The following LSS variants were observed in gnomAD, a reference collection of about 807,000 sequenced individuals.
The protein encoded by LSS is 2,3-epoxysqualene-lanosterol cyclase.
In LSS, 90 loss-of-function variants were observed where a neutral mutation model predicts 110.3. The observed-to-expected ratio is 0.82, with a 90% CI of 0.69 to 0.97. The LOEUF (loss-of-function observed/expected upper bound fraction) is 0.97, where lower values mean the gene tolerates loss of function less well. LSS is among the 50% of genes least tolerant of loss of function. LSS has a pLI of 0.00. For synonymous variants in LSS, 433 were observed against 400.0 expected (o/e 1.08, Z -0.98); for missense variants, 927 against 990.0 (o/e 0.94, Z 0.85).
chr21:46,227,820 C>A, intron 2 of LSS, 130 bp from the exon 3 acceptor site: 4 of 1,069,660 alleles, frequency 3.7e-6, no homozygotes, highest in Non-Finnish European at 5.4e-6. Context: ...CAGCTGTTTC[C>A]ATCAAAAGTC....
chr21:46,224,445 C>T (rs950860474), intron 3 of LSS, among the ~76,000 whole-genome samples: 2 of 152,108 alleles, frequency 1.3e-5, no homozygotes, highest in Admixed American at 6.5e-5. Flanking sequence ...ACTCTCTCAT[C>T]GCCGCACACA....
At position 46,213,608 on chromosome 21, in the gene LSS, G is replaced by A. The variant is rs868490441; in HGVS notation, c.1109+130C>T. ...AGTGGCTTCCACAAGCCCTGACACT[G>A]CTGGTTCCTGGAGGTATTCCCTGGC... On this transcript the variant is annotated intron_variant, in intron 10 of 21. Transcript: ENST00000397728. 1.1e-5 allele frequency: 8 copies of A among 717,536 alleles called. No homozygotes were observed. In the Middle Eastern group the frequency reaches 1.7e-3, roughly 155 times the overall value. The allele number at this position is 717,536 out of a possible 1,614,324, so 44.4% of individuals were successfully genotyped here. A position where few individuals can be genotyped will look rare whatever the true frequency, so the allele number is the denominator to read the frequency against.
intron 17 of LSS, among the ~76,000 whole-genome samples, chr21:46,202,286 T>C (rs531642672): frequency 0.041 from 5,765 of 140,312 alleles, 164 homozygotes; most frequent in Non-Finnish European, 0.062. Context: ...CCCAGCTACT[T>C]GGGAGGCTGA....
intron 17 of LSS, among the ~76,000 whole-genome samples, chr21:46,196,967 T>C (rs914142771): frequency 1.2e-4 from 18 of 152,340 alleles, no homozygotes; most frequent in African/African-American, 4.1e-4. Flanking sequence ...CAGAGGCAGA[T>C]CCTTCCTCAC....
intron 17 of LSS, among the ~76,000 whole-genome samples, chr21:46,198,444 T>G (rs2079937928): frequency 3.9e-5 from 6 of 152,036 alleles, no homozygotes; most frequent in Admixed American, 3.9e-4. Flanking sequence ...ATGAAAGAAA[T>G]AAAAGATCTT....
At chr21:46,228,300 T>G in intron 2 of LSS, 134 bp downstream of exon 2, 2 of 1,006,228 alleles carry the variant, frequency 2.0e-6, no homozygotes, top group Non-Finnish European at 2.8e-6. Context: ...CGAACGCAGT[T>G]CCCGTGGGCG....
intron 7 of LSS, 42 bp from the exon 8 acceptor site, chr21:46,215,835 T>G (rs760758243): frequency 1.5e-6 from 2 of 1,364,156 alleles, no homozygotes; most frequent in East Asian, 4.7e-5. Flanking sequence ...TGGGAGCACC[T>G]GGTAGGCCTG....
chr21:46,195,886 C>A, intron 18 of LSS, 130 bp from the exon 19 acceptor site: 1 of 727,010 alleles, frequency 1.4e-6, no homozygotes, highest in Non-Finnish European at 2.4e-6. Context: ...GGCATTAAGG[C>A]CGTGGAAGAC....
rs894494842 is a variant in LSS, at chr21:46,228,341, G to A, written c.180+93C>T. On this transcript the variant is annotated intron_variant, in intron 2 of 21. Coordinates refer to ENST00000397728, the MANE Select transcript of LSS (RefSeq NM_002340.6). Reference sequence around the variant, plus strand: ...CTTGGGGATGGGCGTCGCTGGCCGGGTCCTCCCACCCGCCTTTCTGAGAGA... The same window carrying A: ...CTTGGGGATGGGCGTCGCTGGCCGGATCCTCCCACCCGCCTTTCTGAGAGA... 1.9e-5 allele frequency: 27 copies of A among 1,428,504 alleles called. No homozygotes were observed. The African/African-American group carries it at 3.6e-4, about 19-fold the overall frequency. The allele number at this position is 1,428,504 out of a possible 1,614,324, so 88.5% of individuals were successfully genotyped here. A position where few individuals can be genotyped will look rare whatever the true frequency, so the allele number is the denominator to read the frequency against.
At chr21:46,199,067 T>C (rs532997848) in intron 17 of LSS, among the ~76,000 whole-genome samples, 121 of 152,172 alleles carry the variant, frequency 8.0e-4, no homozygotes, top group African/African-American at 2.9e-3. Context: ...GAAAACTGGC[T>C]CTGCAAAAGA....
At chr21:46,199,205 A>G (rs2079948182) in intron 17 of LSS, among the ~76,000 whole-genome samples, 1 of 152,262 alleles carries the variant, frequency 6.6e-6, no homozygotes, top group Non-Finnish European at 1.5e-5. Context: ...TAATTTAAAA[A>G]TGAGCCAAAG....
intron 17 of LSS, among the ~76,000 whole-genome samples, chr21:46,202,319 G>C (rs1376046927): frequency 7.0e-6 from 1 of 143,458 alleles, no homozygotes; most frequent in Non-Finnish European, 1.5e-5. Context: ...GCGTGAACCC[G>C]GGAGGCGGAG....
chr21:46,191,745 C>T (rs2079818717), intron 21 of LSS, 136 bp downstream of exon 21: 2 of 708,864 alleles, frequency 2.8e-6, no homozygotes, highest in Non-Finnish European at 4.9e-6. Flanking sequence ...CCAACTGTGG[C>T]ATTCACTGGC....
In LSS at chr21:46,215,342, G is replaced by GCCAGACA. The variant is rs1415357103; in HGVS notation, c.893-45_893-44insTGTCTGG. On this transcript the variant is annotated intron_variant, in intron 8 of 21. Transcript: ENST00000397728. ...AGTGGATGCCAGACACCATGACACT[G>GCCAGACA]GCCTCAGCCTGGAGCTCCATGCACT... 11 of 1,365,472 alleles carry GCCAGACA rather than the reference G, an allele frequency of 8.1e-6. No individual in the cohort carries two copies. The Admixed American group carries it at 1.1e-4, about 13-fold the overall frequency. The allele number at this position is 1,365,472 out of a possible 1,614,324, so 84.6% of individuals were successfully genotyped here.
In LSS at chr21:46,221,954, G is replaced by A. The variant is rs146853216; in HGVS notation, c.450C>T (p.Thr150=). 96 of 1,614,022 alleles carry A rather than the reference G, an allele frequency of 5.9e-5. No homozygotes were observed. The African/African-American group carries it at 7.2e-4, about 12-fold the overall frequency. The change falls in exon 5 of 22, where the codon ACC becomes ACT. Residue 150 remains threonine, a synonymous_variant. Coordinates refer to ENST00000397728, the MANE Select transcript of LSS (RefSeq NM_002340.6). ...CATAGTTGAGCGCAGTCCCAAACACGGTGGACTTATCCTCAATGTGCCTAC... is the reference window on the plus strand; with the variant it reads ...CATAGTTGAGCGCAGTCCCAAACACAGTGGACTTATCCTCAATGTGCCTAC... ...GWGLHIEDKS[T]VFGTALNYVS...
rs1487476965 is a variant in LSS at position 46,228,559 on chromosome 21, C to T, written c.55G>A (p.Ala19Thr). The change falls in exon 2 of 22, where the codon GCC becomes ACC. Residue 19 changes from alanine to threonine, a missense_variant. Transcript: ENST00000397728. ...AGTCGCCAGCGGCCGAGGTCGGTGGCGGGCTCGGTCTTGTAGGGGCCCCCT... is the reference window on the plus strand; with the variant it reads ...AGTCGCCAGCGGCCGAGGTCGGTGGTGGGCTCGGTCTTGTAGGGGCCCCCT... ...RRGGPYKTEPATDLGRWRLNC... is the reference protein window; with the variant it reads ...RRGGPYKTEPTTDLGRWRLNC... 5.6e-6 allele frequency: 9 copies of T among 1,595,164 alleles called. No individual in the cohort carries two copies. The African/African-American group carries it at 9.4e-5, about 17-fold the overall frequency.
At position 46,206,664 on chromosome 21, in the gene LSS, C is replaced by T. The variant is rs2080052653; in HGVS notation, c.1564+8G>A. The stretch of plus-strand genomic sequence containing the variant: ...GTTTGCGCGCCGCAGTGCTGGCCGA[C>T]CACTCACCGAAGACCTCCGAGGGGT... On this transcript the variant is annotated splice_region_variant and intron_variant, in intron 16 of 21. Transcript: ENST00000397728. 6.2e-7 allele frequency: 1 copy of T among 1,610,534 alleles called. No individual in the cohort carries two copies. Among genetic ancestry groups the T allele is most frequent in the Non-Finnish European group, 8.5e-7 (1 of 1,179,396 alleles).
intron 3 of LSS, 50 bp downstream of exon 3, chr21:46,227,502 A>C: frequency 6.2e-7 from 1 of 1,608,036 alleles, no homozygotes; most frequent in Non-Finnish European, 8.5e-7. Context: ...CAGGATCCCA[A>C]GGGTGATCCA....
intron 16 of LSS, among the ~76,000 whole-genome samples, chr21:46,206,344 C>G (rs1294178907): frequency 1.3e-5 from 2 of 152,242 alleles, no homozygotes; most frequent in African/African-American, 4.8e-5. Context: ...CACCTCCCTG[C>G]AGGCGCTCTG....
Sources: allele counts gnomAD v4.1 joint callset (sites outside exome capture counted in the v4.1 genomes callset), GRCh38; gene constraint gnomAD v4.1.1; transcripts MANE v1.5; gene names NCBI Gene and HGNC (gene_info 2026-07-23, HGNC 2026-07-21).